SLC20A2: variants seen among roughly 807,000 people sequenced by gnomAD.
The protein encoded by SLC20A2 is solute carrier family 20 member 2, also known as sodium-dependent phosphate transporter 2.
A neutral mutation model predicts 61.0 loss-of-function variants in SLC20A2; 30 were observed. The ratio of observed to expected loss-of-function variants is 0.49; its 90% CI spans 0.37 to 0.67. The LOEUF (loss-of-function observed/expected upper bound fraction) is 0.67, where lower values mean the gene tolerates loss of function less well. Ranked by LOEUF, SLC20A2 falls within the 30% of genes least tolerant of loss-of-function variation. SLC20A2 has a pLI of 0.00. For synonymous variants in SLC20A2, 351 were observed against 353.3 expected, an observed-to-expected ratio of 0.99 and a Z score of 0.07; for missense variants, 626 against 866.4, an observed-to-expected ratio of 0.72 and a Z score of 3.48.
chr8:42,487,268 C>T (rs1008754335), intron 1 of SLC20A2, among the ~76,000 whole-genome samples: 2 of 151,098 alleles, frequency 1.3e-5, no homozygotes, highest in Middle Eastern at 3.4e-3. Flanking sequence ...AGCTCTGCCT[C>T]CCGGGTTCAC....
In SLC20A2 at chr8:42,465,729, A is replaced by G. The variant is rs748749596; in HGVS notation, c.430+48T>C. On this transcript the variant is annotated intron_variant, in intron 3 of 10. Transcript: ENST00000520262. ...AGTAACTTGTAATAAAACTTACTCT[A>G]GAAAATGTAAACTTTCCTTCTTATG... 1.1e-5 allele frequency: 17 copies of G among 1,532,128 alleles called. No individual in the cohort carries two copies. In the East Asian group the frequency reaches 3.3e-4, roughly 30 times the overall value. 94.9% of individuals were successfully genotyped at this position (1,532,128 alleles called of 1,614,324 possible).
At chr8:42,418,058 T>C in intron 10 of SLC20A2, 91 bp from the exon 11 acceptor site, 6 of 998,318 alleles carry the variant, frequency 6.0e-6, no homozygotes, top group Non-Finnish European at 8.9e-6. Context: ...AAACAAGCTC[T>C]AGTACAACAT....
chr8:42,417,686 C>A lies in SLC20A2; in HGVS notation c.*117G>T. 2.7e-6 allele frequency: 3 copies of A among 1,119,304 alleles called. No individual in the cohort carries two copies. The highest frequency in any genetic ancestry group is 1.5e-5 in the South Asian group (1 of 68,532). 69.3% of individuals were successfully genotyped at this position (1,119,304 alleles called of 1,614,324 possible). On this transcript the variant is annotated 3_prime_UTR_variant, in exon 11 of 11. Coordinates refer to ENST00000520262, the MANE Select transcript of SLC20A2 (RefSeq NM_001257180.2). ...AGCCTCCTGGAAGGGAGGCAGAGAG[C>A]TGGTCATGAGAGAGCCGTGCACGGC...
At chr8:42,518,869 C>T (rs1586255894) in intron 1 of SLC20A2, among the ~76,000 whole-genome samples, 1 of 152,168 alleles carries the variant, frequency 6.6e-6, no homozygotes, top group East Asian at 1.9e-4. Context: ...TATTTGATTC[C>T]ACTGCATAAG....
At chr8:42,447,918 G>A (rs1805353878) in intron 5 of SLC20A2, among the ~76,000 whole-genome samples, 1 of 152,192 alleles carries the variant, frequency 6.6e-6, no homozygotes, top group African/African-American at 2.4e-5. Context: ...GACACCAGCA[G>A]GCCCCATCCA....
chr8:42,513,131 G>A (rs1193374050), intron 1 of SLC20A2, among the ~76,000 whole-genome samples: 3 of 152,176 alleles, frequency 2.0e-5, no homozygotes, highest in East Asian at 3.8e-4. Context: ...GGACAATTCT[G>A]AGATGCATGG....
chr8:42,499,416 ACT>A (rs1810178845), intron 1 of SLC20A2, among the ~76,000 whole-genome samples: 1 of 152,086 alleles, frequency 6.6e-6, no homozygotes, highest in Non-Finnish European at 1.5e-5. Flanking sequence ...CACCGCTGCC[ACT>A]CTCTCACAGC....
intron 5 of SLC20A2, among the ~76,000 whole-genome samples, chr8:42,451,490 TGGAGTAGGAGAAGGAAGAGATGA>T (rs1805645384): frequency 9.2e-6 from 1 of 108,846 alleles, no homozygotes; most frequent in African/African-American, 3.7e-5. Flanking sequence ...GAGGAAGAGA[TGGAGTAGGAGAAGGAAGAGATGA>T]GGAGGAGGAG....
intron 2 of SLC20A2, among the ~76,000 whole-genome samples, chr8:42,467,240 CTTG>C (rs1487244997): frequency 6.6e-6 from 1 of 152,150 alleles, no homozygotes; most frequent in Non-Finnish European, 1.5e-5. Flanking sequence ...TGTCTGATTC[CTTG>C]TTGTTAAGAG....
intron 10 of SLC20A2, among the ~76,000 whole-genome samples, chr8:42,422,719 C>T (rs768872145): frequency 6.6e-6 from 1 of 152,120 alleles, no homozygotes; most frequent in Admixed American, 6.6e-5. Flanking sequence ...AGATTTTCCA[C>T]TTTTTTCTAC....
intron 2 of SLC20A2, 26 bp from the exon 3 acceptor site, chr8:42,465,943 T>A (rs1329594456): frequency 6.2e-7 from 1 of 1,603,106 alleles, no homozygotes; most frequent in African/African-American, 1.3e-5. Flanking sequence ...CAAAAAACCA[T>A]CAGATACAGA....
At chr8:42,452,691 G>C (rs1343481060) in intron 5 of SLC20A2, among the ~76,000 whole-genome samples, 1 of 151,270 alleles carries the variant, frequency 6.6e-6, no homozygotes, top group Admixed American at 6.6e-5. Context: ...AGGAGGAAAA[G>C]ATGGAGGAGG....
intron 1 of SLC20A2, among the ~76,000 whole-genome samples, chr8:42,516,641 C>T (rs1412803326): frequency 6.6e-6 from 1 of 152,234 alleles, no homozygotes; most frequent in Non-Finnish European, 1.5e-5. Flanking sequence ...TTCCTATTCC[C>T]TGATCTATAA....
intron 1 of SLC20A2, among the ~76,000 whole-genome samples, chr8:42,477,269 T>G (rs1808194124): frequency 6.6e-6 from 1 of 152,114 alleles, no homozygotes; most frequent in African/African-American, 2.4e-5. Flanking sequence ...ATCGCTGTAG[T>G]CACAGGAAGA....
chr8:42,449,310 C>A (rs890307864), intron 5 of SLC20A2, among the ~76,000 whole-genome samples: 1 of 152,224 alleles, frequency 6.6e-6, no homozygotes, highest in African/African-American at 2.4e-5. Context: ...CACTAAAAGG[C>A]GCAAATGTCA....
chr8:42,469,436 T>G (rs1327786987), intron 2 of SLC20A2, among the ~76,000 whole-genome samples: 1 of 152,204 alleles, frequency 6.6e-6, no homozygotes, highest in East Asian at 1.9e-4. Flanking sequence ...GTATCCTTCA[T>G]TCTTTCAGTA....
rs546976137 is a variant in SLC20A2 at position 42,533,324 on chromosome 8, G to T, written c.-265+8497C>A. ...TCAACAAACTACTTATTAAAAAAAT[G>T]TGCCTATTGGGCCAGGTGCAGTGGC... On this transcript the variant is annotated intron_variant, in intron 1 of 10. Transcript: ENST00000342228. 1.0e-3 allele frequency among the ~76,000 whole-genome samples: 157 copies of T among 152,170 alleles called. No individual in the cohort carries two copies. The Middle Eastern group carries it at 0.017, about 16-fold the overall frequency.
At chr8:42,422,994 T>TA (rs1268190112) in intron 10 of SLC20A2, among the ~76,000 whole-genome samples, 1 of 152,168 alleles carries the variant, frequency 6.6e-6, no homozygotes, top group Non-Finnish European at 1.5e-5. Context: ...CCTCAATTCT[T>TA]ACTGTCCTGG....
At chr8:42,457,203 T>C (rs1021990159) in intron 5 of SLC20A2, among the ~76,000 whole-genome samples, 2 of 152,024 alleles carry the variant, frequency 1.3e-5, no homozygotes, top group East Asian at 1.9e-4. Context: ...GCGGGGATTA[T>C]AGGTGTGAGC....
Sources: gnomAD v4.1 joint callset for allele counts (sites outside exome capture counted in the v4.1 genomes callset) on GRCh38, gnomAD v4.1.1 for gene constraint, MANE v1.5 for transcripts, NCBI Gene and HGNC (gene_info 2026-07-23, HGNC 2026-07-21) for gene names.